COL23A1: variants seen among roughly 807,000 people sequenced by gnomAD.
COL23A1 encodes the protein collagen alpha-1(XXIII) chain.
In COL23A1, 97 loss-of-function variants were observed where a neutral mutation model predicts 99.3. The ratio of observed to expected loss-of-function variants is 0.98; its 90% CI spans 0.83 to 1.16. The LOEUF (loss-of-function observed/expected upper bound fraction) is 1.16. Among genes scored for constraint, COL23A1 ranks in the 50% most tolerant of loss-of-function variants. COL23A1 has a pLI of 0.00. For synonymous variants in COL23A1, 320 were observed against 308.2 expected (o/e 1.04, Z -0.40); for missense variants, 762 against 757.4 (o/e 1.01, Z -0.07).
intron 1 of COL23A1, among the ~76,000 whole-genome samples, chr5:178,578,826 T>C (rs952665589): frequency 2.7e-5 from 3 of 111,594 alleles, no homozygotes; most frequent in African/African-American, 5.3e-5. Context: ...AAAGCAGACT[T>C]TTTTTTTTTG....
intron 2 of COL23A1, among the ~76,000 whole-genome samples, chr5:178,456,239 C>T (rs1767785947): frequency 6.6e-6 from 1 of 152,162 alleles, no homozygotes; most frequent in African/African-American, 2.4e-5. Context: ...CTATACTTCC[C>T]TAGGCTTCTA....
intron 6 of COL23A1, among the ~76,000 whole-genome samples, chr5:178,269,591 A>ATCCATCCATCC (rs1554129137): frequency 6.2e-4 from 56 of 90,768 alleles, no homozygotes; most frequent in Non-Finnish European, 7.0e-4. Context: ...CTCATCCATC[A>ATCCATCCATCC]ATCCATCCAT....
chr5:178,522,318 A>AGG lies in COL23A1; in HGVS notation c.361+38363_361+38364insCC, dbSNP rs1343518441. Among the ~76,000 whole-genome samples the AGG allele has an allele frequency of 1.1e-4, 16 of 152,202 alleles. No individual in the cohort carries two copies. In the South Asian group the frequency reaches 1.7e-3, roughly 16 times the overall value. On this transcript the variant is annotated intron_variant, in intron 2 of 28. Coordinates refer to ENST00000390654, the MANE Select transcript of COL23A1 (RefSeq NM_173465.4). ...AGTTACTGCCTTTGGAAAACAACCA[A>AGG]CCTTAGAATCGTGTTTTGGTCCTCT...
At position 178,238,632 on chromosome 5, in the gene COL23A1, GT is replaced by G. The variant is rs1255877652; in HGVS notation, c.*65del. On this transcript the variant is annotated 3_prime_UTR_variant, in exon 29 of 29. Coordinates refer to ENST00000390654, the MANE Select transcript of COL23A1 (RefSeq NM_173465.4). ...CATGAAAAAAGATCAATATATTACT[GT>G]TTTGTTTTTACAAAAATTAAAAATG... 2.5e-6 allele frequency: 4 copies of G among 1,593,246 alleles called. No individual in the cohort carries two copies. The African/African-American group carries it at 5.4e-5, about 21-fold the overall frequency.
intron 2 of COL23A1, among the ~76,000 whole-genome samples, chr5:178,344,640 C>G (rs1420962905): frequency 6.8e-6 from 1 of 146,102 alleles, no homozygotes; most frequent in Non-Finnish European, 1.5e-5. Flanking sequence ...GAGATTCTGT[C>G]TCAAAAAAAA....
rs570385633 is a variant in COL23A1, at chr5:178,256,991, G to C, written c.775-63C>G. The C allele has an allele frequency of 3.2e-5, 49 of 1,518,406 alleles. No homozygotes were observed. In the African/African-American group the frequency reaches 5.1e-4, roughly 16 times the overall value. The allele number at this position is 1,518,406 out of a possible 1,614,324, so 94.1% of individuals were successfully genotyped here. A position where few individuals can be genotyped will look rare whatever the true frequency, so the allele number is the denominator to read the frequency against. ...ACGGCACGTGGCGGGTGCCTTGGAG[G>C]GGGGCGTGCCTCGGGGTTGCCTGAA... On this transcript the variant is annotated intron_variant, in intron 13 of 28. Coordinates refer to ENST00000390654, the MANE Select transcript of COL23A1 (RefSeq NM_173465.4).
intron 2 of COL23A1, among the ~76,000 whole-genome samples, chr5:178,542,472 T>C (rs1581600307): frequency 6.6e-6 from 1 of 152,214 alleles, no homozygotes; most frequent in Admixed American, 6.5e-5. Flanking sequence ...TCTGCCTTTC[T>C]GCCCCTGAAG....
intron 2 of COL23A1, among the ~76,000 whole-genome samples, chr5:178,347,918 A>C (rs1392273371): frequency 6.6e-5 from 10 of 152,068 alleles, no homozygotes; most frequent in East Asian, 5.8e-4. Context: ...CAAAACAAAA[A>C]AAAAACAAAG....
intron 3 of COL23A1, among the ~76,000 whole-genome samples, chr5:178,292,408 T>C (rs939715886): frequency 2.6e-5 from 4 of 152,312 alleles, no homozygotes; most frequent in African/African-American, 9.6e-5. Flanking sequence ...CTCTGAAACA[T>C]GCTCTAATTC....
chr5:178,275,135 C>T (rs927142895), intron 5 of COL23A1, among the ~76,000 whole-genome samples: 6 of 152,338 alleles, frequency 3.9e-5, no homozygotes, highest in South Asian at 2.1e-4. Context: ...GGGGTGTCCC[C>T]GAGCCTCAGT....
At chr5:178,335,993 C>A (rs1029953151) in intron 2 of COL23A1, among the ~76,000 whole-genome samples, 2 of 152,160 alleles carry the variant, frequency 1.3e-5, no homozygotes, top group African/African-American at 4.8e-5. Flanking sequence ...TTCTGAGGTT[C>A]GTTTTGCCTT....
At chr5:178,394,261 C>A (rs1484066971) in intron 2 of COL23A1, among the ~76,000 whole-genome samples, 1 of 152,226 alleles carries the variant, frequency 6.6e-6, no homozygotes, top group Non-Finnish European at 1.5e-5. Flanking sequence ...TTAACCCATG[C>A]CCTGATGCTC....
chr5:178,253,595 G>A (rs1018415459), intron 16 of COL23A1, among the ~76,000 whole-genome samples: 4 of 151,782 alleles, frequency 2.6e-5, no homozygotes, highest in African/African-American at 9.7e-5. Flanking sequence ...TGATTCTCCT[G>A]CCTCAGCCTC....
chr5:178,323,853 C>A (rs986181376), intron 2 of COL23A1, among the ~76,000 whole-genome samples: 10 of 152,110 alleles, frequency 6.6e-5, no homozygotes, highest in African/African-American at 2.4e-4. Flanking sequence ...TAGCATCAAC[C>A]CTCCTTTGCA....
chr5:178,401,979 C>T (rs1168820513), intron 2 of COL23A1, among the ~76,000 whole-genome samples: 1 of 152,130 alleles, frequency 6.6e-6, no homozygotes, highest in East Asian at 1.9e-4. Flanking sequence ...CCACGCTCGG[C>T]TAATTTTTGT....
chr5:178,358,252 G>GTGTGTATGTATA (rs1561896833), intron 2 of COL23A1, among the ~76,000 whole-genome samples: 1 of 146,482 alleles, frequency 6.8e-6, no homozygotes, highest in East Asian at 2.1e-4. Context: ...GTGTATGTGT[G>GTGTGTATGTATA]TGTATGTATA....
rs151178683 is a variant in COL23A1 at position 178,572,308 on chromosome 5, T to C, written c.295-11560A>G. ...CTTCAAGTGGTCAAAATATGTGTAA[T>C]TGGAGTCACCAAATGAGGAGTGAGA... On this transcript the variant is annotated intron_variant, in intron 1 of 28. Coordinates refer to ENST00000390654, the MANE Select transcript of COL23A1 (RefSeq NM_173465.4). Among the ~76,000 whole-genome samples, 423 of 152,058 alleles carry C rather than the reference T, an allele frequency of 2.8e-3. 1 individual carries two copies. Among genetic ancestry groups the C allele is most frequent in the African/African-American group, 9.4e-3 (389 of 41,478 alleles).
At chr5:178,563,816 G>T (rs897438565) in intron 1 of COL23A1, among the ~76,000 whole-genome samples, 3 of 152,084 alleles carry the variant, frequency 2.0e-5, no homozygotes, top group Non-Finnish European at 2.9e-5. Flanking sequence ...CAGACGTTGA[G>T]TCACCGCGCC....
At chr5:178,454,842 G>T (rs948006565) in intron 2 of COL23A1, among the ~76,000 whole-genome samples, 2 of 152,244 alleles carry the variant, frequency 1.3e-5, no homozygotes, top group African/African-American at 4.8e-5. Context: ...AATGGTGTGG[G>T]TTAAACGGCA....
Sources: allele counts gnomAD v4.1 joint callset (sites outside exome capture counted in the v4.1 genomes callset), GRCh38; gene constraint gnomAD v4.1.1; transcripts MANE v1.5; gene names NCBI Gene and HGNC (gene_info 2026-07-23, HGNC 2026-07-21).